Variants in DCTD observed in about 807,000 individuals in gnomAD.
DCTD encodes dCMP deaminase.
A neutral mutation model predicts 21.0 loss-of-function variants in DCTD; 23 were observed. The ratio of observed to expected loss-of-function variants is 1.09; its 90% confidence interval spans 0.79 to 1.55. The LOEUF is 1.55. Ranked by LOEUF, DCTD falls within the 40% of genes most tolerant of loss-of-function variation. DCTD has a pLI of 0.00. For missense variants in DCTD, 224 were observed against 230.0 expected (o/e 0.97, Z 0.17); for synonymous variants, 71 against 81.1 (o/e 0.88, Z 0.67).
Position 182,891,361 on chromosome 4 carries a change from G to T in DCTD, c.*38C>A. 1.4e-6 allele frequency: 2 copies of T among 1,446,552 alleles called. No individual in the cohort carries two copies. Among genetic ancestry groups the T allele is most frequent in the Non-Finnish European group, 1.9e-6 (2 of 1,027,798 alleles). The allele number at this position is 1,446,552 out of a possible 1,614,324, so 89.6% of individuals were successfully genotyped here. A position where few individuals can be genotyped will look rare whatever the true frequency, so the allele number is the denominator to read the frequency against. ...AGGCATTAGCAACCTCTTAGAAGACGATAATCCCAATCTTCTGGAGATTGA... is the reference window on the plus strand; with the variant it reads ...AGGCATTAGCAACCTCTTAGAAGACTATAATCCCAATCTTCTGGAGATTGA... On this transcript the variant is annotated 3_prime_UTR_variant, in exon 6 of 6. Coordinates refer to ENST00000438320, the MANE Select transcript of DCTD (RefSeq NM_001921.3).
At chr4:182,912,585 T>C (rs1432512990) in intron 3 of DCTD, among the ~76,000 whole-genome samples, 3 of 152,182 alleles carry the variant, frequency 2.0e-5, no homozygotes, top group African/African-American at 4.8e-5. Context: ...ATCGGTGAAG[T>C]TGGACAAATA....
chr4:182,903,590 T>C (rs1736135787), intron 3 of DCTD, among the ~76,000 whole-genome samples: 1 of 151,870 alleles, frequency 6.6e-6, no homozygotes, highest in Non-Finnish European at 1.5e-5. Context: ...CGCAAAGGAA[T>C]TCTACCAAGG....
At chr4:182,900,703 G>T (rs936930401) in intron 3 of DCTD, among the ~76,000 whole-genome samples, 1 of 152,018 alleles carries the variant, frequency 6.6e-6, no homozygotes, top group African/African-American at 2.4e-5. Context: ...TATTTGATAA[G>T]CACAAAGAGT....
chr4:182,904,370 G>C (rs1018629761), intron 3 of DCTD, among the ~76,000 whole-genome samples: 1 of 152,220 alleles, frequency 6.6e-6, no homozygotes, highest in Non-Finnish European at 1.5e-5. Flanking sequence ...AAATGCACAC[G>C]TGATGCCTAA....
intron 3 of DCTD, among the ~76,000 whole-genome samples, chr4:182,897,263 CA>C (rs1734895131): frequency 1.3e-5 from 2 of 151,558 alleles, no homozygotes; most frequent in Non-Finnish European, 2.9e-5. Context: ...CAAAAAATCA[CA>C]AGATGAAGAA....
intron 3 of DCTD, among the ~76,000 whole-genome samples, chr4:182,914,531 T>C (rs562115794): frequency 1.4e-4 from 21 of 152,338 alleles, no homozygotes; most frequent in African/African-American, 4.6e-4. Context: ...TAGCCGACCC[T>C]GCTTCCAAGT....
intron 3 of DCTD, among the ~76,000 whole-genome samples, chr4:182,901,636 C>A: frequency 6.6e-6 from 1 of 152,106 alleles, no homozygotes; most frequent in Non-Finnish European, 1.5e-5. Flanking sequence ...GGTCAGGACT[C>A]GAGCTAAGAA....
At chr4:182,896,775 G>C (rs959675005) in intron 3 of DCTD, among the ~76,000 whole-genome samples, 13 of 152,214 alleles carry the variant, frequency 8.5e-5, no homozygotes, top group African/African-American at 3.1e-4. Context: ...TCCCCCTTGA[G>C]GGCAGAGCCC....
At chr4:182,896,288 T>C (rs1319693095) in intron 3 of DCTD, among the ~76,000 whole-genome samples, 1 of 152,210 alleles carries the variant, frequency 6.6e-6, no homozygotes, top group African/African-American at 2.4e-5. Context: ...CAGCTACCTC[T>C]GTGTGCCTGG....
At chr4:182,915,369 G>T in intron 2 of DCTD, 92 bp downstream of exon 2, 1 of 903,146 alleles carries the variant, frequency 1.1e-6, no homozygotes. Context: ...CTTTTAAGTT[G>T]ACAGGCGTCC....
At chr4:182,891,510 G>A in intron 5 of DCTD, 33 bp from the exon 6 acceptor site, 4 of 1,423,868 alleles carry the variant, frequency 2.8e-6, no homozygotes, top group Non-Finnish European at 3.0e-6. Flanking sequence ...ATTATTATCT[G>A]GTGAGTAGTG....
intron 3 of DCTD, among the ~76,000 whole-genome samples, chr4:182,908,039 A>T (rs1737031406): frequency 6.8e-6 from 1 of 147,370 alleles, no homozygotes. Context: ...TCCAGATTAA[A>T]AAAAAAAAAG....
intron 2 of DCTD, 51 bp from the exon 3 acceptor site, chr4:182,915,109 C>A: frequency 6.2e-7 from 1 of 1,612,512 alleles, no homozygotes; most frequent in Non-Finnish European, 8.5e-7. Context: ...GCTGGTCTGC[C>A]GCTGTGGAAG....
intron 3 of DCTD, among the ~76,000 whole-genome samples, chr4:182,911,798 C>T (rs1233844960): frequency 1.3e-5 from 2 of 152,150 alleles, no homozygotes; most frequent in Non-Finnish European, 2.9e-5. Flanking sequence ...TAAATGCTAT[C>T]CAATTAATAA....
intron 3 of DCTD, among the ~76,000 whole-genome samples, chr4:182,899,378 A>T (rs114942038): frequency 0.01 from 1,495 of 148,696 alleles, 26 homozygotes; most frequent in African/African-American, 0.034. Context: ...TTTTTCTCCC[A>T]TAGTCACTGC....
At chr4:182,915,922 G>A in intron 1 of DCTD, 1 of 1,054,956 alleles carries the variant, frequency 9.5e-7, no homozygotes, top group Non-Finnish European at 1.2e-6. Flanking sequence ...GAGGAGGGTG[G>A]AAAAAAGAAA....
chr4:182,913,089 T>C (rs1421532530), intron 3 of DCTD, among the ~76,000 whole-genome samples: 3 of 152,252 alleles, frequency 2.0e-5, no homozygotes, highest in Non-Finnish European at 1.5e-5. Flanking sequence ...AACCGCACTG[T>C]GAAAAATTAT....
At chr4:182,914,355 A>G (rs1362178197) in intron 3 of DCTD, among the ~76,000 whole-genome samples, 1 of 152,204 alleles carries the variant, frequency 6.6e-6, no homozygotes, top group Non-Finnish European at 1.5e-5. Flanking sequence ...AAATTGCAGC[A>G]TCCCCTGTAA....
At chr4:182,897,507 CAT>C (rs10547938) in intron 3 of DCTD, among the ~76,000 whole-genome samples, 58,517 of 146,806 alleles carry the variant, frequency 0.4, 12,055 homozygotes, top group African/African-American at 0.53. Context: ...ATTTAGCACC[CAT>C]ATATATATAT....
Sources: allele counts gnomAD v4.1 joint callset (sites outside exome capture counted in the v4.1 genomes callset), GRCh38; gene constraint gnomAD v4.1.1; transcripts MANE v1.5; gene names NCBI Gene and HGNC (gene_info 2026-07-23, HGNC 2026-07-21).